POU6F2: variants seen among roughly 807,000 people sequenced by gnomAD.
The protein encoded by POU6F2 is POU domain, class 6, transcription factor 2.
POU6F2 carries 31 observed loss-of-function variants against 71.3 expected under a neutral mutation model. The ratio of observed to expected loss-of-function variants is 0.43; its 90% CI spans 0.33 to 0.59. The LOEUF is 0.59. POU6F2 is among the 20% of genes least tolerant of loss of function. The probability of loss-of-function intolerance (pLI) is 0.04; values close to 1 mark genes in which losing one functional copy is unlikely to be tolerated. For synonymous variants in POU6F2, 347 were observed against 355.7 expected (o/e 0.98, Z 0.27); for missense variants, 783 against 856.8 (o/e 0.91, Z 1.07).
At chr7:39,048,375 C>T (rs988411385) in intron 1 of POU6F2, among the ~76,000 whole-genome samples, 4 of 151,798 alleles carry the variant, frequency 2.6e-5, no homozygotes, top group Non-Finnish European at 5.9e-5. Flanking sequence ...CCTGCACCCT[C>T]AAGTAGGCCC....
At chr7:39,130,022 G>A (rs1210697139) in intron 2 of POU6F2, among the ~76,000 whole-genome samples, 3 of 145,666 alleles carry the variant, frequency 2.1e-5, no homozygotes, top group African/African-American at 5.1e-5. Context: ...AGCCAAAATC[G>A]TGCCACTGCA....
chr7:39,103,654 T>C (rs1404028116), intron 2 of POU6F2, among the ~76,000 whole-genome samples: 2 of 152,176 alleles, frequency 1.3e-5, no homozygotes, highest in Non-Finnish European at 2.9e-5. Context: ...CTGTGATCCA[T>C]CCTAAACCCT....
intron 5 of POU6F2, among the ~76,000 whole-genome samples, chr7:39,367,656 C>T (rs776451408): frequency 2.6e-5 from 4 of 152,160 alleles, no homozygotes; most frequent in African/African-American, 7.2e-5. Context: ...AGGCATACCT[C>T]GTTGTATTGC....
intron 4 of POU6F2, among the ~76,000 whole-genome samples, chr7:39,292,334 A>G (rs916207244): frequency 2.0e-5 from 3 of 152,202 alleles, no homozygotes; most frequent in African/African-American, 7.2e-5. Context: ...GGCTCTGATT[A>G]CCATGTTCAT....
rs576664446 is a variant in POU6F2 at position 39,349,423 on chromosome 7, A to T, written c.972+9408A>T. On this transcript the variant is annotated intron_variant, in intron 5 of 9. Transcript: ENST00000518318. ...CGGCCAGGGTGCCCCTGGACCACGT[A>T]GCCCCTGCAGACCCACGGGACCGAC... is the stretch of plus-strand genomic sequence containing the variant. Among the ~76,000 whole-genome samples, 4 of 152,212 alleles carry T rather than the reference A, an allele frequency of 2.6e-5. No individual in the cohort carries two copies. In the East Asian group the frequency reaches 7.8e-4, roughly 29 times the overall value.
intron 1 of POU6F2, among the ~76,000 whole-genome samples, chr7:38,988,625 G>T (rs897412701): frequency 4.6e-5 from 7 of 152,096 alleles, no homozygotes; most frequent in African/African-American, 1.7e-4. Context: ...ACCAATAAGT[G>T]AGCACTTACT....
intron 1 of POU6F2, among the ~76,000 whole-genome samples, chr7:39,070,732 G>A (rs986501540): frequency 3.9e-4 from 59 of 152,138 alleles, no homozygotes; most frequent in African/African-American, 1.4e-3. Flanking sequence ...TTCACTGTGA[G>A]ACCTCTCTGA....
chr7:39,267,074 T>G (rs961163251), intron 4 of POU6F2, among the ~76,000 whole-genome samples: 1 of 152,162 alleles, frequency 6.6e-6, no homozygotes, highest in African/African-American at 2.4e-5. Flanking sequence ...CCAAGAATTA[T>G]TTTGGAGGGC....
At position 39,139,007 on chromosome 7, in the gene POU6F2, C is replaced by T. The variant is rs147161186; in HGVS notation, c.277+52976C>T. On this transcript the variant is annotated intron_variant, in intron 2 of 9. Coordinates refer to ENST00000518318, the MANE Select transcript of POU6F2 (RefSeq NM_001370959.1). ...TTCATGGGCAAGAAACCTGTGCAGT[C>T]GCTTGGCTTGTGCACAGAGGGGCCT... is the stretch of plus-strand genomic sequence containing the variant. 2.9e-3 allele frequency among the ~76,000 whole-genome samples: 435 copies of T among 152,188 alleles called. 1 individual carries two copies. The highest frequency in any genetic ancestry group is 9.9e-3 in the African/African-American group (411 of 41,524).
At chr7:39,087,082 AT>A (rs1178693827) in intron 2 of POU6F2, among the ~76,000 whole-genome samples, 1 of 148,734 alleles carries the variant, frequency 6.7e-6, no homozygotes, top group Non-Finnish European at 1.5e-5. Flanking sequence ...AAAAAAAAAA[AT>A]CATTACATAG....
chr7:39,100,721 T>C (rs1791551617), intron 2 of POU6F2, among the ~76,000 whole-genome samples: 1 of 152,192 alleles, frequency 6.6e-6, no homozygotes, highest in South Asian at 2.1e-4. Context: ...ATGTGACAGT[T>C]TTGACTTTCC....
intron 1 of POU6F2, among the ~76,000 whole-genome samples, chr7:39,014,960 G>C (rs1287800945): frequency 6.6e-6 from 1 of 151,956 alleles, no homozygotes; most frequent in Non-Finnish European, 1.5e-5. Flanking sequence ...TTGGAGACAA[G>C]AGCCTTTGGG....
intron 2 of POU6F2, among the ~76,000 whole-genome samples, chr7:39,130,899 T>A (rs186003672): frequency 2.0e-5 from 3 of 152,304 alleles, no homozygotes; most frequent in South Asian, 2.1e-4. Flanking sequence ...CCTTTCGGCG[T>A]TCCCACCTGC....
intron 2 of POU6F2, among the ~76,000 whole-genome samples, chr7:39,193,917 C>A (rs1793722909): frequency 6.6e-6 from 1 of 152,038 alleles, no homozygotes; most frequent in African/African-American, 2.4e-5. Flanking sequence ...ATCATAAACA[C>A]CTAATAGGGT....
intron 5 of POU6F2, among the ~76,000 whole-genome samples, chr7:39,357,492 C>T (rs189340973): frequency 7.9e-5 from 12 of 152,242 alleles, no homozygotes; most frequent in Non-Finnish European, 1.3e-4. Context: ...CCAAGGGATC[C>T]TCCCACCTCC....
At position 39,226,153 on chromosome 7, in the gene POU6F2, T is replaced by C. The variant is rs115135889; in HGVS notation, c.598+18533T>C. 5.8e-3 allele frequency among the ~76,000 whole-genome samples: 879 copies of C among 152,222 alleles called. 8 individuals carry two copies. Among genetic ancestry groups the C allele is most frequent in the African/African-American group, 0.02 (844 of 41,534 alleles). Reference sequence around the variant, plus strand: ...ACTTATGGAAGGTTGTAATGAAATATTAGACAAGTAAAAAAGTAGATGGTG... The same window carrying C: ...ACTTATGGAAGGTTGTAATGAAATACTAGACAAGTAAAAAAGTAGATGGTG... On this transcript the variant is annotated intron_variant, in intron 4 of 9. Transcript: ENST00000518318.
chr7:39,037,212 C>T (rs1409723833), intron 1 of POU6F2, among the ~76,000 whole-genome samples: 1 of 152,010 alleles, frequency 6.6e-6, no homozygotes, highest in Non-Finnish European at 1.5e-5. Context: ...CCTTAATCTC[C>T]AAAGCATCCC....
intron 5 of POU6F2, among the ~76,000 whole-genome samples, chr7:39,400,819 C>T (rs1047828513): frequency 6.6e-6 from 1 of 152,176 alleles, no homozygotes; most frequent in African/African-American, 2.4e-5. Context: ...ATACCAAAAT[C>T]ATGGGATTTT....
At chr7:39,338,401 A>G (rs1425690320) in intron 4 of POU6F2, among the ~76,000 whole-genome samples, 1 of 152,094 alleles carries the variant, frequency 6.6e-6, no homozygotes, top group African/African-American at 2.4e-5. Flanking sequence ...CTACGATTAC[A>G]TCACAAGCCC....
Sources: allele counts gnomAD v4.1 joint callset (sites outside exome capture counted in the v4.1 genomes callset), GRCh38; gene constraint gnomAD v4.1.1; transcripts MANE v1.5; gene names NCBI Gene and HGNC (gene_info 2026-07-23, HGNC 2026-07-21).